IYD: variants seen among roughly 807,000 people sequenced by gnomAD.
IYD encodes the protein iodotyrosine deiodinase 1.
IYD carries 25 observed loss-of-function variants against 28.4 expected under a neutral mutation model. The observed-to-expected ratio is 0.88, with a 90% CI of 0.64 to 1.23. The LOEUF is 1.23. Ranked by LOEUF, IYD falls within the 50% of genes most tolerant of loss-of-function variation. The pLI is 0.00. For synonymous variants in IYD, 140 were observed against 130.8 expected (o/e 1.07, Z -0.48); for missense variants, 352 against 357.9 (o/e 0.98, Z 0.13).
chr6:150,395,302 T>TAAA (rs374710489), intron 4 of IYD: 2 of 752,008 alleles, frequency 2.7e-6, no homozygotes, highest in Non-Finnish European at 4.1e-6. Flanking sequence ...GACAATGGAT[T>TAAA]AAAAAAAAAA....
intron 1 of IYD, among the ~76,000 whole-genome samples, chr6:150,370,849 A>T (rs1274078870): frequency 6.6e-6 from 1 of 152,200 alleles, no homozygotes; most frequent in Non-Finnish European, 1.5e-5. Context: ...TGAGGGAATG[A>T]GGATCCAGCT....
rs1234905170 is a variant in IYD at position 150,398,470 on chromosome 6, C to G, written c.*233C>G. On this transcript the variant is annotated 3_prime_UTR_variant, in exon 5 of 5. Coordinates refer to ENST00000344419, the MANE Select transcript of IYD (RefSeq NM_203395.3). The stretch of plus-strand genomic sequence containing the variant: ...AAATGCATGAACACTTTACAAAGAA[C>G]ATGCCCGGGTTTTTACATTTTAAAA... The G allele has an allele frequency of 3.8e-6, 2 of 532,946 alleles. No individual in the cohort carries two copies. Among genetic ancestry groups the G allele is most frequent in the Non-Finnish European group, 6.7e-6 (2 of 299,766 alleles). The allele number at this position is 532,946 out of a possible 1,614,324, so 33.0% of individuals were successfully genotyped here.
chr6:150,374,257 C>T (rs1002791165), intron 1 of IYD, among the ~76,000 whole-genome samples: 6 of 152,058 alleles, frequency 3.9e-5, no homozygotes, highest in African/African-American at 1.4e-4. Flanking sequence ...AAATGAAGAT[C>T]CAAAGGAACA....
At chr6:150,383,344 A>T (rs1208399345) in intron 1 of IYD, among the ~76,000 whole-genome samples, 1 of 152,166 alleles carries the variant, frequency 6.6e-6, no homozygotes, top group Non-Finnish European at 1.5e-5. Context: ...CCTTTATCTC[A>T]GATCAACCTC....
intron 1 of IYD, chr6:150,369,922 A>G: frequency 1.4e-6 from 1 of 700,038 alleles, no homozygotes. Context: ...TGGAGAATTG[A>G]GGGTGGAGGG....
rs73779996 is a variant in IYD, at chr6:150,380,445, C to G, written c.179-8907C>G. ...TAAAACAGATCAACTTTAGGACTTGCGCTGCTTCTTCATGCTTTGTTCTTT... is the reference window on the plus strand; with the variant it reads ...TAAAACAGATCAACTTTAGGACTTGGGCTGCTTCTTCATGCTTTGTTCTTT... On this transcript the variant is annotated intron_variant, in intron 1 of 4. Coordinates refer to ENST00000344419, the MANE Select transcript of IYD (RefSeq NM_203395.3). Among the ~76,000 whole-genome samples the G allele has an allele frequency of 7.0e-3, 1,061 of 152,240 alleles. 18 individuals are homozygous for G. Among genetic ancestry groups the G allele is most frequent in the African/African-American group, 0.024 (982 of 41,524 alleles).
At chr6:150,384,185 T>C (rs994740657) in intron 1 of IYD, 3 of 152,218 alleles carry the variant, frequency 2.0e-5, no homozygotes, top group East Asian at 3.8e-4. Context: ...TGATCTGTTC[T>C]TATCTAAGTA....
rs763243549 is a variant in IYD, at chr6:150,394,287, C to A, written c.687+32C>A. On this transcript the variant is annotated intron_variant, in intron 4 of 4. Transcript: ENST00000344419. ...TGAGACATCAAGGGTTACAGGGTGGCCTTATTAGAACATTTCAGCTGAGTT... is the reference window on the plus strand; with the variant it reads ...TGAGACATCAAGGGTTACAGGGTGGACTTATTAGAACATTTCAGCTGAGTT... 3 of 1,612,466 alleles carry A rather than the reference C, an allele frequency of 1.9e-6. No individual in the cohort carries two copies. The African/African-American group carries it at 4.0e-5, about 22-fold the overall frequency.
chr6:150,381,770 A>T (rs913431464), intron 1 of IYD, among the ~76,000 whole-genome samples: 6 of 152,208 alleles, frequency 3.9e-5, no homozygotes, highest in African/African-American at 1.2e-4. Flanking sequence ...GCTGTTTTAT[A>T]TTTGTAAGGG....
chr6:150,369,108 G>T lies in IYD; in HGVS notation c.77G>T (p.Ser26Ile). 1.2e-6 allele frequency: 2 copies of T among 1,613,524 alleles called. No homozygotes were observed. Among genetic ancestry groups the T allele is most frequent in the Non-Finnish European group, 1.7e-6 (2 of 1,179,886 alleles). The change falls in exon 1 of 5, where the codon AGC becomes ATC. Residue 26 changes from serine to isoleucine, a missense_variant. Ser to Ile is a moderately radical substitution (Grantham distance 142). Coordinates refer to ENST00000344419, the MANE Select transcript of IYD (RefSeq NM_203395.3). ...TGGATCTTTAAAAATGCCGACAGAAGCATGGAGAAAAAGAAGGGGGAGCCT... is the reference window on the plus strand; with the variant it reads ...TGGATCTTTAAAAATGCCGACAGAATCATGGAGAAAAAGAAGGGGGAGCCT... ...VVWIFKNADR[S>I]MEKKKGEPRT...
Position 150,390,794 on chromosome 6 carries a change from C to A in IYD, c.370+1251C>A, listed in dbSNP as rs146891212. Among the ~76,000 whole-genome samples the A allele has an allele frequency of 2.7e-3, 408 of 152,268 alleles. 1 individual carries two copies. Among genetic ancestry groups the A allele is most frequent in the Non-Finnish European group, 4.3e-3 (295 of 68,014 alleles). On this transcript the variant is annotated intron_variant, in intron 2 of 4. Transcript: ENST00000344419. ...GGCCCCTACTCTCACCAGAATCCCA[C>A]AGGAATTGAGGCTCCTTGGACAAAG...
chr6:150,394,340 T>C (rs905375791), intron 4 of IYD, 85 bp downstream of exon 4: 1 of 1,484,422 alleles, frequency 6.7e-7, no homozygotes, highest in African/African-American at 1.4e-5. Context: ...TGGAAATTTT[T>C]TTTTAATCTA....
intron 2 of IYD, 48 bp from the exon 3 acceptor site, chr6:150,392,297 A>G (rs756336146): frequency 1.9e-6 from 3 of 1,610,636 alleles, no homozygotes; most frequent in Non-Finnish European, 2.5e-6. Context: ...TAGCAGTCTC[A>G]CACTTTCCTG....
Position 150,402,588 on chromosome 6 carries a change from A to G in IYD, c.*4351A>G, listed in dbSNP as rs923684743. ...CAGAATAGGACAGTGAAAGGCATAAAGATTTTCTTCTGAAACGCTAAGATC... is the reference window on the plus strand; with the variant it reads ...CAGAATAGGACAGTGAAAGGCATAAGGATTTTCTTCTGAAACGCTAAGATC... On this transcript the variant is annotated 3_prime_UTR_variant, in exon 5 of 5. Coordinates refer to ENST00000344419, the MANE Select transcript of IYD (RefSeq NM_203395.3). The G allele has an allele frequency of 6.6e-6, 1 of 152,382 alleles. No individual in the cohort carries two copies. Among genetic ancestry groups the G allele is most frequent in the Admixed American group, 6.5e-5 (1 of 15,310 alleles). The allele number at this position is 152,382 out of a possible 1,614,324, so 9.4% of individuals were successfully genotyped here.
intron 4 of IYD, among the ~76,000 whole-genome samples, 196 bp downstream of exon 4, chr6:150,394,451 C>CAT (rs1207352712): frequency 6.6e-6 from 1 of 152,158 alleles, no homozygotes; most frequent in African/African-American, 2.4e-5. Context: ...TCACTTATAA[C>CAT]ATCATTTCAA....
rs1290431773 is a variant in IYD at position 150,400,019 on chromosome 6, G to C, written c.*1782G>C. The C allele has an allele frequency of 2.0e-5, 3 of 152,176 alleles. No individual in the cohort carries two copies. The highest frequency in any genetic ancestry group is 4.4e-5 in the Non-Finnish European group (3 of 68,052). The allele number at this position is 152,176 out of a possible 1,614,324, so 9.4% of individuals were successfully genotyped here. ...ACATGGTTAACATTCATAAATGGTG[G>C]GGGCCCTTACTGTGGTAGAAACCAT... On this transcript the variant is annotated 3_prime_UTR_variant, in exon 5 of 5. Transcript: ENST00000344419.
At position 150,398,256 on chromosome 6, in the gene IYD, G is replaced by T. The variant is rs1029839982; in HGVS notation, c.*19G>T. ...AGTGTAGGCAGGGCCCCCCAAGGGA[G>T]TGGCAGGGAGATGGCGCCCCTGCTT... On this transcript the variant is annotated 3_prime_UTR_variant, in exon 5 of 5. Transcript: ENST00000344419. The T allele has an allele frequency of 2.5e-6, 4 of 1,613,228 alleles. No homozygotes were observed. The highest frequency in any genetic ancestry group is 2.5e-6 in the Non-Finnish European group (3 of 1,179,480).
rs544250004 is a variant in IYD, at chr6:150,390,164, C to G, written c.370+621C>G. Among the ~76,000 whole-genome samples the G allele has an allele frequency of 2.6e-5, 4 of 152,280 alleles. No homozygotes were observed. The South Asian group carries it at 6.2e-4, about 24-fold the overall frequency. On this transcript the variant is annotated intron_variant, in intron 2 of 4. Transcript: ENST00000344419. ...AATCTCCTGTGATTGGAGTCTTATT[C>G]TTACATAAACCATATTTAAGTTTAT... is the stretch of plus-strand genomic sequence containing the variant.
chr6:150,371,634 C>T (rs890279383), intron 1 of IYD, among the ~76,000 whole-genome samples: 2 of 152,164 alleles, frequency 1.3e-5, no homozygotes, highest in Non-Finnish European at 1.5e-5. Flanking sequence ...TTGCAAAATG[C>T]TTTGCCTCTT....
Sources: allele counts gnomAD v4.1 joint callset (sites outside exome capture counted in the v4.1 genomes callset), GRCh38; gene constraint gnomAD v4.1.1; transcripts MANE v1.5; gene names NCBI Gene and HGNC (gene_info 2026-07-23, HGNC 2026-07-21).